DGCR2: variants seen among roughly 807,000 people sequenced by gnomAD.
DGCR2 encodes the protein DiGeorge syndrome critical region gene 2, also known as integral membrane protein DGCR2/IDD.
A neutral mutation model predicts 51.6 loss-of-function variants in DGCR2; 24 were observed. The observed-to-expected ratio is 0.47, with a 90% CI of 0.34 to 0.65. The LOEUF (loss-of-function observed/expected upper bound fraction) is 0.65, where lower values mean the gene tolerates loss of function less well. Ranked by LOEUF, DGCR2 falls within the 30% of genes least tolerant of loss-of-function variation. DGCR2 has a pLI of 0.01. For missense variants in DGCR2, 765 were observed against 772.1 expected (o/e 0.99, Z 0.11); for synonymous variants, 340 against 315.4 (o/e 1.08, Z -0.82).
chr22:19,109,959 T>C (rs912772250), intron 1 of DGCR2, among the ~76,000 whole-genome samples: 3 of 152,230 alleles, frequency 2.0e-5, no homozygotes, highest in African/African-American at 7.2e-5. Context: ...AGCCCAGCCA[T>C]GGGCAGGCAG....
chr22:19,116,855 G>T (rs2083378328), intron 1 of DGCR2, among the ~76,000 whole-genome samples: 1 of 151,990 alleles, frequency 6.6e-6, no homozygotes, highest in Admixed American at 6.6e-5. Flanking sequence ...AGTGTTGAGA[G>T]GATGCATGCA....
intron 1 of DGCR2, among the ~76,000 whole-genome samples, chr22:19,107,785 G>A (rs377457210): frequency 2.6e-5 from 4 of 152,168 alleles, no homozygotes; most frequent in African/African-American, 7.2e-5. Context: ...AGGGCAGGAG[G>A]GTGGGACAGA....
chr22:19,078,864 A>G (rs1277698044), intron 2 of DGCR2, among the ~76,000 whole-genome samples: 3 of 152,224 alleles, frequency 2.0e-5, no homozygotes, highest in African/African-American at 7.2e-5. Context: ...AGGGCATGTT[A>G]GAGTCACAGA....
chr22:19,088,821 G>C (rs1232532998), intron 2 of DGCR2, among the ~76,000 whole-genome samples: 2 of 152,194 alleles, frequency 1.3e-5, no homozygotes, highest in African/African-American at 4.8e-5. Context: ...AGGGTGCTGA[G>C]GCAGAAACCA....
intron 1 of DGCR2, among the ~76,000 whole-genome samples, chr22:19,099,137 C>T (rs570227760): frequency 6.6e-6 from 1 of 152,332 alleles, no homozygotes; most frequent in African/African-American, 2.4e-5. Context: ...GGCACCTACT[C>T]TGTGCCAGGC....
At chr22:19,095,007 A>G (rs2083122736) in intron 1 of DGCR2, among the ~76,000 whole-genome samples, 1 of 152,226 alleles carries the variant, frequency 6.6e-6, no homozygotes, top group Non-Finnish European at 1.5e-5. Context: ...GTTTGGGGTG[A>G]CGATACGCTG....
rs780473059 is a variant in DGCR2 at position 19,041,218 on chromosome 22, C to T, written c.1236G>A (p.Pro412=). The part of the protein sequence containing the change: ...GPDGFGTGLT[P]LHLSDDGEGG... Reference sequence around the variant, plus strand: ...CCTCTCCGTCGTCAGAAAGATGCAGCGGCGTGAGGCCCGTGCCAAACCCGT... The same window carrying T: ...CCTCTCCGTCGTCAGAAAGATGCAGTGGCGTGAGGCCCGTGCCAAACCCGT... The change falls in exon 9 of 10, where the codon CCG becomes CCA. Residue 412 remains proline, a synonymous_variant. Coordinates refer to ENST00000263196, the MANE Select transcript of DGCR2 (RefSeq NM_005137.3). 8.1e-5 allele frequency: 131 copies of T among 1,613,980 alleles called. No homozygotes were observed. The highest frequency in any genetic ancestry group is 9.8e-5 in the Non-Finnish European group (116 of 1,180,014).
rs1282115617 is a variant in DGCR2 at position 19,120,062 on chromosome 22, T to C, written c.79+2066A>G. 2.0e-5 allele frequency among the ~76,000 whole-genome samples: 3 copies of C among 151,934 alleles called. No homozygotes were observed. The East Asian group carries it at 5.8e-4, about 29-fold the overall frequency. On this transcript the variant is annotated intron_variant, in intron 1 of 9. Transcript: ENST00000263196. The stretch of plus-strand genomic sequence containing the variant: ...CAGCACTCTCAGGAAGGACACATGG[T>C]GAATGTGTGAAGAGGCACACACGGG...
chr22:19,067,551 G>A (rs2082763334), intron 3 of DGCR2, among the ~76,000 whole-genome samples: 1 of 151,940 alleles, frequency 6.6e-6, no homozygotes, highest in Admixed American at 6.6e-5. Context: ...AAATTAGCCG[G>A]GCGTGATGGC....
intron 1 of DGCR2, 36 bp downstream of exon 1, chr22:19,122,091 CG>C: frequency 7.0e-7 from 1 of 1,427,204 alleles, no homozygotes. Flanking sequence ...CCCCGCTCGC[CG>C]CCCAGCCCCC....
At chr22:19,087,678 C>CTTTTTT (rs35513614) in intron 2 of DGCR2, among the ~76,000 whole-genome samples, 6 of 120,294 alleles carry the variant, frequency 5.0e-5, no homozygotes, top group African/African-American at 6.3e-5. Context: ...CTGCACCTGG[C>CTTTTTT]TTTTTTTTTT....
chr22:19,078,489 T>C (rs571239412), intron 2 of DGCR2, among the ~76,000 whole-genome samples: 2 of 152,336 alleles, frequency 1.3e-5, no homozygotes, highest in East Asian at 3.9e-4. Context: ...GGTTTTTATA[T>C]ATAAAATCAT....
At chr22:19,046,712 G>A in intron 7 of DGCR2, 1 of 428,014 alleles carries the variant, frequency 2.3e-6, no homozygotes, top group South Asian at 1.6e-5. Context: ...GCCCATGGAA[G>A]CATGGCCACA....
intron 1 of DGCR2, among the ~76,000 whole-genome samples, chr22:19,103,472 CCAGGCTGGAGTG>C (rs1183710145): frequency 7.4e-6 from 1 of 134,410 alleles, no homozygotes; most frequent in Admixed American, 8.0e-5. Context: ...GCTCTGTCAC[CCAGGCTGGAGTG>C]CAGTGGCAAG....
At chr22:19,052,029 T>C (rs189874094) in intron 6 of DGCR2, among the ~76,000 whole-genome samples, 96 of 152,358 alleles carry the variant, frequency 6.3e-4, no homozygotes, top group African/African-American at 2.2e-3. Context: ...ACAGCCACTC[T>C]GGAAAACAAT....
At chr22:19,101,912 G>T (rs915499738) in intron 1 of DGCR2, among the ~76,000 whole-genome samples, 1 of 151,572 alleles carries the variant, frequency 6.6e-6, no homozygotes, top group Non-Finnish European at 1.5e-5. Flanking sequence ...AAAATTAGCT[G>T]GGTATGGTGG....
At chr22:19,059,856 C>A (rs59903599) in intron 5 of DGCR2, among the ~76,000 whole-genome samples, 14,387 of 152,190 alleles carry the variant, frequency 0.095, 751 homozygotes, top group Middle Eastern at 0.15. Context: ...CCTCCATGTC[C>A]ACCGCTGCTC....
intron 6 of DGCR2, chr22:19,056,425 C>T: frequency 2.0e-6 from 1 of 505,220 alleles, no homozygotes; most frequent in Non-Finnish European, 3.6e-6. Context: ...CTGCGCACAG[C>T]TGCCATCCCA....
intron 1 of DGCR2, among the ~76,000 whole-genome samples, chr22:19,091,336 G>A (rs572857551): frequency 5.9e-5 from 9 of 152,262 alleles, no homozygotes; most frequent in South Asian, 4.1e-4. Context: ...TACAGCCTGG[G>A]CAACAGGAGT....
Sources: gnomAD v4.1 joint callset for allele counts (sites outside exome capture counted in the v4.1 genomes callset) on GRCh38, gnomAD v4.1.1 for gene constraint, MANE v1.5 for transcripts, NCBI Gene and HGNC (gene_info 2026-07-23, HGNC 2026-07-21) for gene names.